Variants in SLCO2A1 observed in about 807,000 individuals in gnomAD.
The protein encoded by SLCO2A1 is solute carrier organic anion transporter family member 2A1, also known as matrin F/G 1.
Under a neutral mutation model 71.7 loss-of-function variants are expected in SLCO2A1, and 60 were observed. The ratio of observed to expected loss-of-function variants is 0.84; its 90% CI spans 0.68 to 1.04. SLCO2A1 has a LOEUF of 1.04. Among genes scored for constraint, SLCO2A1 ranks in the 50% least tolerant of loss-of-function variants. The pLI is 0.00. For synonymous variants in SLCO2A1, 308 were observed against 326.7 expected, an observed-to-expected ratio of 0.94 and a Z score of 0.62; for missense variants, 745 against 813.4, an observed-to-expected ratio of 0.92 and a Z score of 1.02.
chr3:134,028,653 G>GCACCACC (rs1170363428), intron 1 of SLCO2A1, among the ~76,000 whole-genome samples: 1 of 151,990 alleles, frequency 6.6e-6, no homozygotes, highest in African/African-American at 2.4e-5. Flanking sequence ...CCCCTTAATT[G>GCACCACC]CACCACCGGA....
intron 3 of SLCO2A1, 39 bp from the exon 4 acceptor site, chr3:133,955,232 C>G (rs1215668522): frequency 1.9e-6 from 3 of 1,558,642 alleles, no homozygotes; most frequent in Non-Finnish European, 2.6e-6. Flanking sequence ...CCACCCTGGT[C>G]TCCTGGTTCC....
chr3:134,013,863 TCAG>T (rs1935389207), intron 1 of SLCO2A1, among the ~76,000 whole-genome samples: 1 of 152,174 alleles, frequency 6.6e-6, no homozygotes. Flanking sequence ...AATGTAATAC[TCAG>T]GAGTCAGGCC....
intron 1 of SLCO2A1, among the ~76,000 whole-genome samples, chr3:133,990,437 G>C (rs184467998): frequency 2.3e-4 from 35 of 152,140 alleles, no homozygotes; most frequent in Non-Finnish European, 4.9e-4. Flanking sequence ...ATTCTGTCCC[G>C]TTTTTCAATG....
chr3:133,959,492 T>C (rs1207981365), intron 3 of SLCO2A1, among the ~76,000 whole-genome samples: 1 of 150,382 alleles, frequency 6.6e-6, no homozygotes, highest in African/African-American at 2.5e-5. Context: ...GTGTAGCCAA[T>C]GTGGGAAGAA....
At chr3:134,018,432 G>C (rs916251356) in intron 1 of SLCO2A1, among the ~76,000 whole-genome samples, 12 of 152,190 alleles carry the variant, frequency 7.9e-5, no homozygotes, top group African/African-American at 2.9e-4. Context: ...GATGGACATA[G>C]GCCAAGACAA....
In SLCO2A1 at chr3:133,935,828, C is replaced by T; in HGVS notation, c.1760G>A (p.Cys587Tyr). Residue 587 changes from cysteine (C) to tyrosine (Y), a missense_variant, in exon 13 of 14, where the codon TGC becomes TAC. Physicochemically the swap from Cys to Tyr is radical, Grantham distance 194. Transcript: ENST00000310926. ...DHSCIRWNSL[C>Y]LGRRGACAYY... ...GGCGCAGGCCCCTCGCCTCCCCAAG[C>T]ACAGCGAGTTCCACCGGATGCAGGA... The T allele has an allele frequency of 6.2e-7, 1 of 1,611,768 alleles. No individual in the cohort carries two copies. Among genetic ancestry groups the T allele is most frequent in the Non-Finnish European group, 8.5e-7 (1 of 1,178,502 alleles).
At chr3:133,972,847 T>C (rs1187111091) in intron 3 of SLCO2A1, among the ~76,000 whole-genome samples, 1 of 152,122 alleles carries the variant, frequency 6.6e-6, no homozygotes, top group African/African-American at 2.4e-5. Flanking sequence ...ATAGGCCTAC[T>C]GAAAGTAACA....
intron 1 of SLCO2A1, among the ~76,000 whole-genome samples, chr3:133,985,834 G>A (rs1391055811): frequency 1.3e-5 from 2 of 152,158 alleles, no homozygotes; most frequent in Non-Finnish European, 2.9e-5. Context: ...GTCATTCTGG[G>A]AGGCTGCAGA....
intron 6 of SLCO2A1, among the ~76,000 whole-genome samples, chr3:133,950,503 G>C (rs1398892052): frequency 6.6e-6 from 1 of 151,846 alleles, no homozygotes; most frequent in African/African-American, 2.4e-5. Context: ...CCTGGTCTCT[G>C]CACTGGCCTC....
chr3:133,964,381 G>A (rs1033854919), intron 3 of SLCO2A1, among the ~76,000 whole-genome samples: 3 of 152,140 alleles, frequency 2.0e-5, no homozygotes, highest in Non-Finnish European at 2.9e-5. Flanking sequence ...GTGATTATAC[G>A]ATGAGATCGA....
Position 134,005,481 on chromosome 3 carries a change from AT to A in SLCO2A1, c.96+24225del, listed in dbSNP as rs35386403. 3.7e-3 allele frequency among the ~76,000 whole-genome samples: 490 copies of A among 133,882 alleles called. 14 individuals carry two copies. In the East Asian group the frequency reaches 0.061, roughly 17 times the overall value. 87.8% of individuals were successfully genotyped at this position (133,882 alleles called of 152,430 possible). A position where few individuals can be genotyped will look rare whatever the true frequency, so the allele number is the denominator to read the frequency against. On this transcript the variant is annotated intron_variant, in intron 1 of 13. Coordinates refer to ENST00000310926, the MANE Select transcript of SLCO2A1 (RefSeq NM_005630.3). ...GAGTAGTCCATTTTCATGTGTTATA[AT>A]TTTTTTTTTTTTTTTTTTAGACGGA...
At chr3:133,937,887 C>T (rs1435527388) in intron 12 of SLCO2A1, among the ~76,000 whole-genome samples, 22 of 152,250 alleles carry the variant, frequency 1.4e-4, no homozygotes, top group Non-Finnish European at 1.5e-5. Flanking sequence ...CCTGCTGCCT[C>T]AAGCAGCTCG....
At chr3:133,958,873 T>C (rs1933963660) in intron 3 of SLCO2A1, among the ~76,000 whole-genome samples, 1 of 152,184 alleles carries the variant, frequency 6.6e-6, no homozygotes, top group African/African-American at 2.4e-5. Flanking sequence ...TTGTTGTCAT[T>C]CACAAGTGTG....
chr3:133,937,865 C>T (rs758633289), intron 12 of SLCO2A1, among the ~76,000 whole-genome samples: 2 of 152,208 alleles, frequency 1.3e-5, no homozygotes, highest in African/African-American at 2.4e-5. Context: ...CCAGGCACCC[C>T]GGGAGAGCAC....
At chr3:133,991,563 T>C (rs1934846945) in intron 1 of SLCO2A1, among the ~76,000 whole-genome samples, 1 of 152,246 alleles carries the variant, frequency 6.6e-6, no homozygotes, top group African/African-American at 2.4e-5. Context: ...TTCATTTTAT[T>C]ATGAATTAGA....
intron 1 of SLCO2A1, among the ~76,000 whole-genome samples, chr3:133,988,229 T>C (rs56076322): frequency 0.022 from 3,338 of 152,316 alleles, 51 homozygotes; most frequent in Non-Finnish European, 0.031. Flanking sequence ...AGAAACATTT[T>C]ACAACCTATT....
chr3:133,969,873 G>A (rs1319333758), intron 3 of SLCO2A1, among the ~76,000 whole-genome samples: 1 of 152,096 alleles, frequency 6.6e-6, no homozygotes, highest in Non-Finnish European at 1.5e-5. Context: ...ATCATACCAG[G>A]CCACACCAAC....
chr3:133,945,412 T>A, intron 9 of SLCO2A1, 152 bp from the exon 10 acceptor site: 1 of 740,120 alleles, frequency 1.4e-6, no homozygotes, highest in South Asian at 1.9e-5. Flanking sequence ...GAATTATGCC[T>A]GGTGGAGCCA....
At chr3:134,027,484 C>T (rs942649120) in intron 1 of SLCO2A1, among the ~76,000 whole-genome samples, 7 of 152,246 alleles carry the variant, frequency 4.6e-5, no homozygotes, top group Non-Finnish European at 8.8e-5. Context: ...CTCTCAGGTG[C>T]ACCCCCTTAG....
Sources: gnomAD v4.1 joint callset for allele counts (sites outside exome capture counted in the v4.1 genomes callset) on GRCh38, gnomAD v4.1.1 for gene constraint, MANE v1.5 for transcripts, NCBI Gene and HGNC (gene_info 2026-07-23, HGNC 2026-07-21) for gene names.